The following PTPRD variants were observed in gnomAD, a reference collection of about 807,000 sequenced individuals.
PTPRD encodes protein tyrosine phosphatase receptor type D.
Under a neutral mutation model 214.5 loss-of-function variants are expected in PTPRD, and 34 were observed. That is an observed-to-expected ratio of 0.16 (90% confidence interval 0.12 to 0.21). PTPRD has a LOEUF of 0.21. PTPRD is among the 10% of genes least tolerant of loss of function. The pLI, the probability that PTPRD is intolerant of heterozygous loss-of-function variation, is 1.00. For missense variants in PTPRD, 2,545 were observed against 2,398.7 expected (o/e 1.06, Z -1.27); for synonymous variants, 1,128 against 845.7 (o/e 1.33, Z -5.79).
chr9:9,606,748 CAGA>C (rs1406913205), intron 7 of PTPRD, among the ~76,000 whole-genome samples: 2 of 151,746 alleles, frequency 1.3e-5, no homozygotes, highest in East Asian at 3.9e-4. Flanking sequence ...AAGAAAACAA[CAGA>C]AGTTCTTACT....
chr9:8,999,323 A>T (rs1292687025), intron 11 of PTPRD, among the ~76,000 whole-genome samples: 1 of 152,014 alleles, frequency 6.6e-6, no homozygotes, highest in African/African-American at 2.4e-5. Flanking sequence ...AGCCACCCCA[A>T]CCTTCCACAA....
chr9:9,732,165 A>G (rs1478585559), intron 7 of PTPRD, among the ~76,000 whole-genome samples: 3 of 152,146 alleles, frequency 2.0e-5, no homozygotes, highest in Non-Finnish European at 4.4e-5. Flanking sequence ...CAGAAGCAGA[A>G]ATAGTGATGG....
intron 7 of PTPRD, among the ~76,000 whole-genome samples, chr9:9,670,246 C>G (rs564091574): frequency 2.0e-5 from 3 of 152,028 alleles, no homozygotes; most frequent in Non-Finnish European, 4.4e-5. Context: ...TGTCCCCACC[C>G]AAATCTCATC....
intron 5 of PTPRD, among the ~76,000 whole-genome samples, chr9:9,780,396 A>T (rs115300697): frequency 1.3e-3 from 199 of 152,296 alleles, no homozygotes; most frequent in African/African-American, 4.7e-3. Flanking sequence ...TTTAAAATTA[A>T]AAAAATAAAA....
intron 7 of PTPRD, among the ~76,000 whole-genome samples, chr9:9,650,392 G>A (rs2096305078): frequency 6.6e-6 from 1 of 152,144 alleles, no homozygotes; most frequent in African/African-American, 2.4e-5. Context: ...TGCTTATGTT[G>A]AACCAACCTT....
chr9:8,926,901 C>A (rs962692970), intron 11 of PTPRD, among the ~76,000 whole-genome samples: 2 of 152,124 alleles, frequency 1.3e-5, no homozygotes, highest in Non-Finnish European at 2.9e-5. Flanking sequence ...CAATCTAAGG[C>A]AGAAAACATC....
intron 11 of PTPRD, among the ~76,000 whole-genome samples, chr9:8,839,535 G>C (rs1409357333): frequency 3.3e-5 from 5 of 152,078 alleles, no homozygotes; most frequent in Non-Finnish European, 7.4e-5. Flanking sequence ...ATGTTGGCCA[G>C]GCTAGTCTCG....
At chr9:10,198,718 G>C (rs1355803507) in intron 3 of PTPRD, among the ~76,000 whole-genome samples, 1 of 152,030 alleles carries the variant, frequency 6.6e-6, no homozygotes, top group African/African-American at 2.4e-5. Flanking sequence ...TTCTGCAGCA[G>C]ATTAATAAGC....
Position 10,015,952 on chromosome 9 carries a change from G to C in PTPRD, c.-472+17766C>G, listed in dbSNP as rs1275001877. On this transcript the variant is annotated intron_variant, in intron 4 of 45. Transcript: ENST00000381196. ...CATAAACCTCTCTCTCTAATTACCA[G>C]TTGACTGACACCACACTCTGTCTAC... Among the ~76,000 whole-genome samples, 3 of 152,078 alleles carry C rather than the reference G, an allele frequency of 2.0e-5. No individual in the cohort carries two copies. In the East Asian group the frequency reaches 5.8e-4, roughly 29 times the overall value.
At chr9:10,502,138 G>A (rs2043969800) in intron 2 of PTPRD, among the ~76,000 whole-genome samples, 1 of 151,712 alleles carries the variant, frequency 6.6e-6, no homozygotes, top group Non-Finnish European at 1.5e-5. Context: ...AGAAAAGAAA[G>A]CCAACATGCA....
At chr9:9,235,327 G>C (rs1183932381) in intron 9 of PTPRD, among the ~76,000 whole-genome samples, 1 of 152,114 alleles carries the variant, frequency 6.6e-6, no homozygotes, top group Non-Finnish European at 1.5e-5. Flanking sequence ...GATGAGATTT[G>C]GGTGGGGACA....
chr9:9,369,761 T>G (rs1341878690), intron 9 of PTPRD, among the ~76,000 whole-genome samples: 1 of 152,216 alleles, frequency 6.6e-6, no homozygotes, highest in Non-Finnish European at 1.5e-5. Flanking sequence ...ACATAAGTCT[T>G]TAATCCATCT....
intron 10 of PTPRD, among the ~76,000 whole-genome samples, chr9:9,019,042 A>T (rs1023808296): frequency 6.6e-6 from 1 of 152,140 alleles, no homozygotes; most frequent in East Asian, 1.9e-4. Context: ...AAGAAATAAC[A>T]TACAGAACCA....
At chr9:8,696,489 T>G (rs2097913206) in intron 12 of PTPRD, among the ~76,000 whole-genome samples, 1 of 152,124 alleles carries the variant, frequency 6.6e-6, no homozygotes, top group Non-Finnish European at 1.5e-5. Context: ...AGATGGGACG[T>G]GTTATGAATT....
At position 10,066,046 on chromosome 9, in the gene PTPRD, G is replaced by A. The variant is rs146140740; in HGVS notation, c.-544-32256C>T. Among the ~76,000 whole-genome samples the A allele has an allele frequency of 1.4e-4, 21 of 152,004 alleles. No individual in the cohort carries two copies. In the East Asian group the frequency reaches 4.1e-3, roughly 30 times the overall value. ...TGATACTAATATCTTCTAGCAAAAT[G>A]CCATTTCACATGGAACTTGAAGTGA... On this transcript the variant is annotated intron_variant, in intron 3 of 45. Coordinates refer to ENST00000381196, the MANE Select transcript of PTPRD (RefSeq NM_002839.4).
rs111248967 is a variant in PTPRD at position 10,454,810 on chromosome 9, T to TACAC, written c.-599-113797_-599-113794dup. Among the ~76,000 whole-genome samples the TACAC allele has an allele frequency of 3.7e-3, 550 of 150,166 alleles. 2 individuals carry two copies. The highest frequency in any genetic ancestry group is 0.012 in the African/African-American group (507 of 41,076). ...ATTTTTCTTTAATTCTAAAAATGTTTACACACACACACACACACATGCACA... is the reference window on the plus strand; with the variant it reads ...ATTTTTCTTTAATTCTAAAAATGTTTACACACACACACACACACACACATGCACA... On this transcript the variant is annotated intron_variant, in intron 2 of 45. Coordinates refer to ENST00000381196, the MANE Select transcript of PTPRD (RefSeq NM_002839.4).
At chr9:8,750,784 A>G (rs2093442426) in intron 11 of PTPRD, among the ~76,000 whole-genome samples, 1 of 152,174 alleles carries the variant, frequency 6.6e-6, no homozygotes, top group Non-Finnish European at 1.5e-5. Context: ...CAGGTTGCAC[A>G]GGGCCTGTAA....
At chr9:9,699,289 T>A (rs1378579137) in intron 7 of PTPRD, among the ~76,000 whole-genome samples, 1 of 152,134 alleles carries the variant, frequency 6.6e-6, no homozygotes, top group Admixed American at 6.6e-5. Flanking sequence ...ACAATGGCAA[T>A]AATCAAGATC....
intron 2 of PTPRD, among the ~76,000 whole-genome samples, chr9:10,462,623 G>A (rs1309816943): frequency 1.3e-5 from 2 of 152,108 alleles, no homozygotes; most frequent in Middle Eastern, 6.8e-3. Context: ...AAGAGTAAGA[G>A]ATGTGCCTAT....
Sources: gnomAD v4.1 joint callset for allele counts (sites outside exome capture counted in the v4.1 genomes callset) on GRCh38, gnomAD v4.1.1 for gene constraint, MANE v1.5 for transcripts, NCBI Gene and HGNC (gene_info 2026-07-23, HGNC 2026-07-21) for gene names.